Variants in NAV3 observed in about 807,000 individuals in gnomAD.
The protein encoded by NAV3 is neuron navigator 3, also known as pore membrane and/or filament interacting like protein 1.
NAV3 carries 87 observed loss-of-function variants against 244.7 expected under a neutral mutation model. The observed-to-expected ratio is 0.36, with a 90% CI of 0.30 to 0.42. The LOEUF is 0.42. Ranked by LOEUF, NAV3 falls within the 20% of genes least tolerant of loss-of-function variation. The pLI, the probability that NAV3 is intolerant of heterozygous loss-of-function variation, is 1.00. For missense variants in NAV3, 2,663 were observed against 2,893.3 expected, an observed-to-expected ratio of 0.92 and a Z score of 1.83; for synonymous variants, 1,126 against 1,042.2, an observed-to-expected ratio of 1.08 and a Z score of -1.55.
chr12:77,843,464 A>G (rs924232499), intron 1 of NAV3, among the ~76,000 whole-genome samples: 8 of 151,616 alleles, frequency 5.3e-5, no homozygotes, highest in African/African-American at 1.7e-4. Context: ...ATACTTAGAA[A>G]AACAGATTGA....
intron 2 of NAV3, among the ~76,000 whole-genome samples, chr12:77,688,670 G>T (rs1186281510): frequency 6.6e-6 from 1 of 151,924 alleles, no homozygotes; most frequent in African/African-American, 2.4e-5. Flanking sequence ...TTGGTGATGG[G>T]CAGGCTATTT....
At position 77,754,112 on chromosome 12, in the gene NAV3, T is replaced by C. The variant is rs201822643; in HGVS notation, c.72+181846T>C. On this transcript the variant is annotated intron_variant, in intron 2 of 8. Coordinates refer to the NAV3 transcript ENST00000550042. ...TTTATACGTATTTTTGAATAGCCTC[T>C]CCAAAGAAATCACAGGCATCTCATA... Among the ~76,000 whole-genome samples, 11 of 152,262 alleles carry C rather than the reference T, an allele frequency of 7.2e-5. No individual in the cohort carries two copies. In the East Asian group the frequency reaches 2.1e-3, roughly 29 times the overall value.
intron 9 of NAV3, chr12:78,037,162 A>T (rs1160977491): frequency 1.4e-6 from 1 of 703,054 alleles, no homozygotes; most frequent in South Asian, 1.5e-5. Flanking sequence ...TCAGACAGTG[A>T]AGACTTAGAG....
chr12:77,738,840 C>T (rs1403329812), intron 2 of NAV3, among the ~76,000 whole-genome samples: 1 of 151,896 alleles, frequency 6.6e-6, no homozygotes, highest in African/African-American at 2.4e-5. Flanking sequence ...GAAACCCCGT[C>T]TCTACTAAAA....
At chr12:77,853,185 T>C (rs1221326104) in intron 1 of NAV3, among the ~76,000 whole-genome samples, 1 of 152,168 alleles carries the variant, frequency 6.6e-6, no homozygotes, top group African/African-American at 2.4e-5. Flanking sequence ...ATTTTCTATG[T>C]AGTGTGATTT....
intron 1 of NAV3, among the ~76,000 whole-genome samples, chr12:77,865,957 T>G (rs775390658): frequency 4.0e-5 from 6 of 151,282 alleles, no homozygotes; most frequent in Non-Finnish European, 7.4e-5. Context: ...GCTGCTCTTA[T>G]AATGTTACCC....
intron 18 of NAV3, 48 bp downstream of exon 18, chr12:78,128,914 A>T (rs748397529): frequency 2.6e-6 from 4 of 1,555,318 alleles, no homozygotes; most frequent in Non-Finnish European, 3.5e-6. Flanking sequence ...TTCACCACCC[A>T]CTCTCACAGA....
intron 2 of NAV3, among the ~76,000 whole-genome samples, chr12:77,590,628 T>C (rs1869862642): frequency 6.6e-6 from 1 of 152,214 alleles, no homozygotes; most frequent in Non-Finnish European, 1.5e-5. Flanking sequence ...AGTTTACCTG[T>C]GTAACAAACC....
chr12:77,738,568 C>G (rs1051192487), intron 2 of NAV3, among the ~76,000 whole-genome samples: 3 of 152,186 alleles, frequency 2.0e-5, no homozygotes, highest in African/African-American at 7.2e-5. Context: ...CTCACATATA[C>G]TCACATACAC....
chr12:77,873,539 T>C (rs1026319752), intron 1 of NAV3, among the ~76,000 whole-genome samples: 2 of 151,288 alleles, frequency 1.3e-5, no homozygotes, highest in African/African-American at 4.8e-5. Flanking sequence ...AGCATTTCTG[T>C]TATATGTAAC....
chr12:78,109,830 G>A (rs572325079), intron 12 of NAV3, among the ~76,000 whole-genome samples: 33 of 152,044 alleles, frequency 2.2e-4, no homozygotes, highest in African/African-American at 7.9e-4. Context: ...CAAACTCAGA[G>A]CTAATATCAT....
intron 2 of NAV3, among the ~76,000 whole-genome samples, chr12:77,625,814 C>A (rs1871594287): frequency 6.6e-6 from 1 of 152,142 alleles, no homozygotes; most frequent in Non-Finnish European, 1.5e-5. Flanking sequence ...CTGTGAAATC[C>A]AATCCTTAAA....
intron 1 of NAV3, among the ~76,000 whole-genome samples, chr12:77,857,933 A>G (rs1331723782): frequency 6.6e-6 from 1 of 152,068 alleles, no homozygotes. Flanking sequence ...GTATGTTTGT[A>G]AGGGCACACA....
intron 2 of NAV3, among the ~76,000 whole-genome samples, chr12:77,734,740 C>G (rs1050268401): frequency 6.6e-6 from 1 of 152,078 alleles, no homozygotes; most frequent in African/African-American, 2.4e-5. Flanking sequence ...ACTGCACAAC[C>G]CCAAGCCATT....
chr12:77,682,496 T>G (rs533575205), intron 2 of NAV3, among the ~76,000 whole-genome samples: 11 of 152,306 alleles, frequency 7.2e-5, no homozygotes, highest in African/African-American at 2.6e-4. Context: ...CATACTGATT[T>G]CATTTCCTTT....
chr12:77,890,980 A>G (rs1165298168), intron 1 of NAV3, among the ~76,000 whole-genome samples: 1 of 152,124 alleles, frequency 6.6e-6, no homozygotes, highest in Non-Finnish European at 1.5e-5. Flanking sequence ...TAATTCTCCA[A>G]AGCAGACTGT....
intron 5 of NAV3, among the ~76,000 whole-genome samples, chr12:77,978,054 ACTTTT>A (rs1208341750): frequency 6.6e-6 from 1 of 152,138 alleles, no homozygotes; most frequent in Non-Finnish European, 1.5e-5. Context: ...TCTTAGTTTT[ACTTTT>A]CTTAACTAAG....
At chr12:77,871,800 C>T (rs1881010680) in intron 1 of NAV3, among the ~76,000 whole-genome samples, 2 of 152,102 alleles carry the variant, frequency 1.3e-5, no homozygotes, top group Admixed American at 1.3e-4. Context: ...TGGGTACGTA[C>T]CCAGTAATGG....
At chr12:77,882,771 A>G (rs1039017162) in intron 1 of NAV3, among the ~76,000 whole-genome samples, 13 of 152,186 alleles carry the variant, frequency 8.5e-5, no homozygotes, top group African/African-American at 3.1e-4. Context: ...TGAGCAAAGG[A>G]TGTGAACAGA....
Sources: gnomAD v4.1 joint callset for allele counts (sites outside exome capture counted in the v4.1 genomes callset) on GRCh38, gnomAD v4.1.1 for gene constraint, MANE v1.5 for transcripts, NCBI Gene and HGNC (gene_info 2026-07-23, HGNC 2026-07-21) for gene names.